TRAPPC9: variants seen among roughly 807,000 people sequenced by gnomAD.
The protein encoded by TRAPPC9 is IKK2 binding protein.
Under a neutral mutation model 124.0 loss-of-function variants are expected in TRAPPC9, and 83 were observed. That is an observed-to-expected ratio of 0.67 (90% CI 0.56 to 0.80). TRAPPC9 has a LOEUF of 0.80. TRAPPC9 is among the 30% of genes least tolerant of loss of function. TRAPPC9 has a pLI of 0.00. For missense variants in TRAPPC9, 1,302 were observed against 1,508.3 expected, an observed-to-expected ratio of 0.86 and a Z score of 2.27; for synonymous variants, 638 against 617.5, an observed-to-expected ratio of 1.03 and a Z score of -0.49.
At chr8:140,187,419 T>C (rs547867087) in intron 17 of TRAPPC9, among the ~76,000 whole-genome samples, 2 of 152,262 alleles carry the variant, frequency 1.3e-5, no homozygotes, top group Admixed American at 6.5e-5. Context: ...GCTCGACCTA[T>C]ACTAAGAAGC....
intron 17 of TRAPPC9, among the ~76,000 whole-genome samples, chr8:140,089,574 T>A (rs1417427611): frequency 6.6e-6 from 1 of 152,180 alleles, no homozygotes. Context: ...GGGGAGCTTT[T>A]CGGATTTTGG....
intron 10 of TRAPPC9, among the ~76,000 whole-genome samples, chr8:140,308,662 C>T (rs1461272281): frequency 6.6e-6 from 1 of 152,092 alleles, no homozygotes; most frequent in African/African-American, 2.4e-5. Context: ...GCGGGCGGAT[C>T]ACGAGGTCAG....
At position 140,372,772 on chromosome 8, in the gene TRAPPC9, C is replaced by T. The variant is rs111301814; in HGVS notation, c.1135-1592G>A. 9.3e-4 allele frequency among the ~76,000 whole-genome samples: 142 copies of T among 152,310 alleles called. 2 individuals are homozygous for T. Among genetic ancestry groups the T allele is most frequent in the African/African-American group, 3.3e-3 (139 of 41,564 alleles). On this transcript the variant is annotated intron_variant, in intron 7 of 22. Transcript: ENST00000438773. The stretch of plus-strand genomic sequence containing the variant: ...GGCGGTCTATGAACAAGCAAGTGGG[C>T]CCTCCCCAGACACCAAACATGCTGG...
At chr8:139,986,913 G>A (rs144207761) in intron 19 of TRAPPC9, among the ~76,000 whole-genome samples, 4 of 152,204 alleles carry the variant, frequency 2.6e-5, no homozygotes, top group East Asian at 1.9e-4. Flanking sequence ...TTTTTCCATC[G>A]TAAATTGGTT....
At chr8:140,077,427 T>C (rs1020231943) in intron 17 of TRAPPC9, among the ~76,000 whole-genome samples, 1 of 152,176 alleles carries the variant, frequency 6.6e-6, no homozygotes, top group East Asian at 1.9e-4. Context: ...CTTTCTAGCT[T>C]TCTTTTCTGT....
rs141585380 is a variant in TRAPPC9 at position 139,736,556 on chromosome 8, A to G, written c.3056-4354T>C. On this transcript the variant is annotated intron_variant, in intron 21 of 22. Transcript: ENST00000438773. ...AGCAAACCTTCCTATGACGGGGCAGAGCAGAGGTCTGTTTTTGTCCGAGAG... is the reference window on the plus strand; with the variant it reads ...AGCAAACCTTCCTATGACGGGGCAGGGCAGAGGTCTGTTTTTGTCCGAGAG... Among the ~76,000 whole-genome samples the G allele has an allele frequency of 4.7e-4, 71 of 152,322 alleles. No homozygotes were observed. The East Asian group carries it at 8.7e-3, about 19-fold the overall frequency.
intron 9 of TRAPPC9, among the ~76,000 whole-genome samples, chr8:140,345,619 T>C (rs1207340180): frequency 6.6e-6 from 1 of 152,174 alleles, no homozygotes; most frequent in Admixed American, 6.5e-5. Flanking sequence ...CACTTCCCTG[T>C]CCCTTCCGAC....
At chr8:140,190,542 T>C (rs560148437) in intron 17 of TRAPPC9, among the ~76,000 whole-genome samples, 2 of 152,248 alleles carry the variant, frequency 1.3e-5, no homozygotes, top group South Asian at 4.1e-4. Flanking sequence ...AGGAATTAAT[T>C]GGTTCAGAGA....
intron 21 of TRAPPC9, among the ~76,000 whole-genome samples, chr8:139,750,385 T>A (rs1297223953): frequency 6.6e-6 from 1 of 152,166 alleles, no homozygotes; most frequent in Non-Finnish European, 1.5e-5. Flanking sequence ...CTTTTTGTCC[T>A]CTTCCACCCT....
intron 17 of TRAPPC9, among the ~76,000 whole-genome samples, chr8:140,132,143 C>T (rs1389984162): frequency 2.6e-5 from 4 of 152,188 alleles, no homozygotes. Flanking sequence ...TGCCTGGAAA[C>T]TAAATAGGGG....
intron 7 of TRAPPC9, among the ~76,000 whole-genome samples, chr8:140,376,605 G>A (rs564686370): frequency 4.6e-4 from 69 of 148,814 alleles, no homozygotes; most frequent in Non-Finnish European, 8.3e-4. Flanking sequence ...GCCAGGCAAC[G>A]TGGCTCATGC....
At chr8:139,977,203 C>T (rs925182887) in intron 19 of TRAPPC9, among the ~76,000 whole-genome samples, 6 of 152,092 alleles carry the variant, frequency 3.9e-5, no homozygotes, top group Non-Finnish European at 7.4e-5. Flanking sequence ...ACAGGTGTAA[C>T]GGCCCGTGCG....
At chr8:139,766,333 T>TCCA (rs1820583895) in intron 21 of TRAPPC9, among the ~76,000 whole-genome samples, 1 of 152,152 alleles carries the variant, frequency 6.6e-6, no homozygotes, top group South Asian at 2.1e-4. Context: ...CACAGTTGGC[T>TCCA]CCACACCCCT....
chr8:140,166,401 T>G (rs2061838449), intron 17 of TRAPPC9, among the ~76,000 whole-genome samples: 1 of 152,164 alleles, frequency 6.6e-6, no homozygotes, highest in South Asian at 2.1e-4. Context: ...AAGGCCATGC[T>G]CTCAGTCACA....
In TRAPPC9 at chr8:139,730,840, G is replaced by A; in HGVS notation, c.*221C>T. ...CAGCCTGTGTATGGTCCAGGGAACA[G>A]TGTAGGAAGGGGCGTGGCATGGGGT... On this transcript the variant is annotated 3_prime_UTR_variant, in exon 23 of 23. Coordinates refer to ENST00000438773, the MANE Select transcript of TRAPPC9 (RefSeq NM_001160372.4). The A allele has an allele frequency of 3.4e-6, 2 of 594,908 alleles. No homozygotes were observed. The highest frequency in any genetic ancestry group is 5.9e-5 in the Admixed American group (2 of 33,830). The allele number at this position is 594,908 out of a possible 1,614,324, so 36.9% of individuals were successfully genotyped here.
intron 17 of TRAPPC9, chr8:140,099,243 T>A (rs556095601): frequency 2.4e-4 from 35 of 148,798 alleles, no homozygotes; most frequent in African/African-American, 8.8e-4. Flanking sequence ...AGTGCCGCAG[T>A]CCGCAGGGTA....
Position 140,213,434 on chromosome 8 carries a change from A to G in TRAPPC9, c.2556+8025T>C, listed in dbSNP as rs951975341. On this transcript the variant is annotated intron_variant, in intron 17 of 22. Coordinates refer to ENST00000438773, the MANE Select transcript of TRAPPC9 (RefSeq NM_001160372.4). ...GTTAATTTGTGTCTTCTCTCTGATCAATCTGGCTGGAAGCTGATGAATTTC... is the reference window on the plus strand; with the variant it reads ...GTTAATTTGTGTCTTCTCTCTGATCGATCTGGCTGGAAGCTGATGAATTTC... Among the ~76,000 whole-genome samples the G allele has an allele frequency of 3.9e-5, 6 of 152,212 alleles. No homozygotes were observed. The South Asian group carries it at 1.2e-3, about 31-fold the overall frequency.
chr8:139,943,323 T>A (rs1454898417), intron 19 of TRAPPC9, among the ~76,000 whole-genome samples: 1 of 152,192 alleles, frequency 6.6e-6, no homozygotes, highest in Non-Finnish European at 1.5e-5. Context: ...TGTCTTGGCC[T>A]CCCAAAGTGC....
At chr8:139,844,438 C>A (rs1586970310) in intron 21 of TRAPPC9, among the ~76,000 whole-genome samples, 1 of 152,228 alleles carries the variant, frequency 6.6e-6, no homozygotes, top group African/African-American at 2.4e-5. Flanking sequence ...TTTTCTATTT[C>A]GTCAAGACGT....
Sources: gnomAD v4.1 joint callset for allele counts (sites outside exome capture counted in the v4.1 genomes callset) on GRCh38, gnomAD v4.1.1 for gene constraint, MANE v1.5 for transcripts, NCBI Gene and HGNC (gene_info 2026-07-23, HGNC 2026-07-21) for gene names.